ZMYM2: variants seen among roughly 807,000 people sequenced by gnomAD.
ZMYM2 encodes zinc finger MYM-type protein 2.
In ZMYM2, 56 loss-of-function variants were observed where a neutral mutation model predicts 162.8. The ratio of observed to expected loss-of-function variants is 0.34; its 90% CI spans 0.28 to 0.43. The LOEUF (loss-of-function observed/expected upper bound fraction) is 0.43. ZMYM2 is among the 20% of genes least tolerant of loss of function. ZMYM2 has a pLI of 1.00. For missense variants in ZMYM2, 1,275 were observed against 1,621.8 expected (o/e 0.79, Z 3.67); for synonymous variants, 510 against 541.6 (o/e 0.94, Z 0.81).
rs1300151117 is a variant in ZMYM2 at position 20,067,026 on chromosome 13, GTT to G, written c.3301+10_3301+11del. 6.9e-6 allele frequency: 11 copies of G among 1,586,916 alleles called. No homozygotes were observed. Among genetic ancestry groups the G allele is most frequent in the Non-Finnish European group, 8.6e-6 (10 of 1,169,268 alleles). ...TTAGATGAGTTAAAATCTTGTAAGT[GTT>G]TTAATTTTGTTTCTCCTAAGTCCTA... On this transcript the variant is annotated splice_region_variant and intron_variant, in intron 20 of 24. Coordinates refer to ENST00000610343, the MANE Select transcript of ZMYM2 (RefSeq NM_197968.4).
chr13:20,005,395 T>C (rs962057072), intron 5 of ZMYM2, among the ~76,000 whole-genome samples, 156 bp downstream of exon 5: 1 of 152,172 alleles, frequency 6.6e-6, no homozygotes. Context: ...GATTCTCCCA[T>C]AGGATCTTAT....
the ZMYM2 span, among the ~76,000 whole-genome samples, chr13:19,896,674 G>A: frequency 5.9e-5 from 8 of 136,148 alleles, no homozygotes; most frequent in East Asian, 2.3e-4. Context: ...GGAGGATGGC[G>A]AGAACCTGGG....
intron 6 of ZMYM2, among the ~76,000 whole-genome samples, chr13:20,018,735 G>A (rs1167574265): frequency 6.6e-6 from 1 of 152,106 alleles, no homozygotes; most frequent in African/African-American, 2.4e-5. Flanking sequence ...AAGGAGTAAG[G>A]ATATGTATTC....
rs755413325 is a variant in ZMYM2 at position 20,026,769 on chromosome 13, T to G, written c.1735+7T>G. ...AAATATGCAAAATCACAAAGTAAGTTTCACATATTTGGACAGTTAAAAAAA... is the reference window on the plus strand; with the variant it reads ...AAATATGCAAAATCACAAAGTAAGTGTCACATATTTGGACAGTTAAAAAAA... On this transcript the variant is annotated splice_region_variant and intron_variant, in intron 8 of 24. Coordinates refer to ENST00000610343, the MANE Select transcript of ZMYM2 (RefSeq NM_197968.4). The G allele has an allele frequency of 8.8e-6, 14 of 1,588,198 alleles. No homozygotes were observed. Among genetic ancestry groups the G allele is most frequent in the African/African-American group, 1.4e-5 (1 of 72,662 alleles).
chr13:19,997,175 T>G (rs1473020564), intron 3 of ZMYM2, among the ~76,000 whole-genome samples: 1 of 152,224 alleles, frequency 6.6e-6, no homozygotes, highest in African/African-American at 2.4e-5. Flanking sequence ...CTCCACTGCA[T>G]TTTCTCATAC....
chr13:20,014,166 C>T (rs1448771018), intron 6 of ZMYM2, among the ~76,000 whole-genome samples: 3 of 151,998 alleles, frequency 2.0e-5, no homozygotes, highest in Admixed American at 6.6e-5. Context: ...CCCCGCCTCC[C>T]GGGTTCAAGC....
intron 2 of ZMYM2, among the ~76,000 whole-genome samples, chr13:19,990,670 C>T (rs1949531951): frequency 6.6e-6 from 1 of 152,200 alleles, no homozygotes; most frequent in Non-Finnish European, 1.5e-5. Flanking sequence ...CCACTGTCAT[C>T]TGTAAATCAA....
chr13:20,080,948 A>G (rs549189309), intron 21 of ZMYM2, among the ~76,000 whole-genome samples: 2 of 152,362 alleles, frequency 1.3e-5, no homozygotes, highest in African/African-American at 4.8e-5. Flanking sequence ...ATGAACCAGT[A>G]TGTCTGTATT....
intron 2 of ZMYM2, among the ~76,000 whole-genome samples, chr13:19,982,533 C>T (rs184460438): frequency 6.6e-6 from 1 of 152,218 alleles, no homozygotes; most frequent in East Asian, 1.9e-4. Flanking sequence ...AGTGATCTAC[C>T]TGCCTCGGCC....
the ZMYM2 span, among the ~76,000 whole-genome samples, chr13:19,924,558 A>C: frequency 6.6e-6 from 1 of 152,172 alleles, no homozygotes; most frequent in Admixed American, 6.6e-5. Flanking sequence ...CTCCAAAAAA[A>C]GGGTTTGTCT....
At chr13:19,885,965 G>GTATATATATATATGTGTA in the ZMYM2 span, among the ~76,000 whole-genome samples, 49 of 91,290 alleles carry the variant, frequency 5.4e-4, 14 homozygotes, top group African/African-American at 2.1e-3. Flanking sequence ...ATATATATGT[G>GTATATATATATATGTGTA]TATACACATA....
the ZMYM2 span, among the ~76,000 whole-genome samples, chr13:19,913,931 C>T: frequency 2.0e-5 from 3 of 152,094 alleles, no homozygotes; most frequent in African/African-American, 7.3e-5. Flanking sequence ...TGGAAGTGAA[C>T]AGTTGCAGTA....
chr13:19,876,119 C>T, the ZMYM2 span, among the ~76,000 whole-genome samples: 3 of 151,948 alleles, frequency 2.0e-5, no homozygotes, highest in East Asian at 1.9e-4. Context: ...CTCCACCTCC[C>T]GGGTTCACGC....
intron 12 of ZMYM2, among the ~76,000 whole-genome samples, chr13:20,037,987 C>T (rs1177334295): frequency 6.6e-6 from 1 of 152,126 alleles, no homozygotes; most frequent in Non-Finnish European, 1.5e-5. Context: ...CTGTTGTTCC[C>T]CTGTATGTGT....
the ZMYM2 span, among the ~76,000 whole-genome samples, chr13:19,950,119 A>G: frequency 1.3e-5 from 2 of 151,242 alleles, no homozygotes; most frequent in African/African-American, 4.9e-5. Context: ...TCTACAAAAT[A>G]AACAATAACA....
At chr13:20,019,860 T>C in intron 7 of ZMYM2, 1 of 426,086 alleles carries the variant, frequency 2.3e-6, no homozygotes, top group African/African-American at 2.0e-5. Context: ...TAGGAAATTA[T>C]TTTCAGATTT....
rs753047646 is a variant in ZMYM2, at chr13:20,085,903, T to C, written c.4023T>C (p.Tyr1341=). ...CSSSTDSPVW[Y]TSTSLDRNTL... ...GTTCTACAGATAGCCCTGTCTGGTA[T>C]ACGTCTACTTCACTGGACCGAAACA... The change falls in exon 25 of 25, where the codon TAT becomes TAC. Residue 1341 remains tyrosine (Y), a synonymous_variant. Transcript: ENST00000610343. 1 of 1,613,868 alleles carries C rather than the reference T, an allele frequency of 6.2e-7. No homozygotes were observed. Among genetic ancestry groups the C allele is most frequent in the Non-Finnish European group, 8.5e-7 (1 of 1,179,778 alleles).
chr13:20,080,493 T>C (rs572495493), intron 21 of ZMYM2, among the ~76,000 whole-genome samples: 3 of 149,670 alleles, frequency 2.0e-5, no homozygotes, highest in East Asian at 2.0e-4. Flanking sequence ...ATCTGTCTCT[T>C]TTTTTTTTTT....
chr13:20,021,262 A>G lies in ZMYM2; in HGVS notation c.1584+1644A>G, dbSNP rs529040095. Among the ~76,000 whole-genome samples the G allele has an allele frequency of 3.3e-5, 5 of 151,304 alleles. No homozygotes were observed. The East Asian group carries it at 9.7e-4, about 29-fold the overall frequency. ...AGTGCTGGAATTACAGGCGTGAGCC[A>G]CTGCGCCCGGCCTTACTGTTTTCAT... is the stretch of plus-strand genomic sequence containing the variant. On this transcript the variant is annotated intron_variant, in intron 7 of 24. Transcript: ENST00000610343.
Sources: gnomAD v4.1 joint callset for allele counts (sites outside exome capture counted in the v4.1 genomes callset) on GRCh38, gnomAD v4.1.1 for gene constraint, MANE v1.5 for transcripts, NCBI Gene and HGNC (gene_info 2026-07-23, HGNC 2026-07-21) for gene names.